The following SCN11A variants were observed in gnomAD, a reference collection of about 807,000 sequenced individuals.
SCN11A encodes the protein sodium channel protein type 11 subunit alpha.
In SCN11A, 122 loss-of-function variants were observed where a neutral mutation model predicts 162.2. The observed-to-expected ratio is 0.75, with a 90% CI of 0.65 to 0.87. The LOEUF (loss-of-function observed/expected upper bound fraction) is 0.87. Ranked by LOEUF, SCN11A falls within the 40% of genes least tolerant of loss-of-function variation. The pLI, the probability that SCN11A is intolerant of heterozygous loss-of-function variation, is 0.00. For missense variants in SCN11A, 2,015 were observed against 2,181.6 expected (o/e 0.92, Z 1.52); for synonymous variants, 758 against 751.5 (o/e 1.01, Z -0.14).
At chr3:38,931,955 A>T (rs4297988) in intron 7 of SCN11A, among the ~76,000 whole-genome samples, 135,686 of 152,254 alleles carry the variant, frequency 0.89, 60,543 homozygotes, top group South Asian at 0.92. Flanking sequence ...TGAAAGGAAA[A>T]GTACAGCTAC....
chr3:38,995,811 A>ATCTGTCTGTCTG (rs1168443401), intron 2 of SCN11A, among the ~76,000 whole-genome samples: 213 of 142,962 alleles, frequency 1.5e-3, no homozygotes, highest in African/African-American at 5.9e-3. Flanking sequence ...CTATCTATCT[A>ATCTGTCTGTCTG]TCTATCTGTC....
chr3:38,913,853 G>A (rs1194533956), intron 11 of SCN11A, among the ~76,000 whole-genome samples: 1 of 152,052 alleles, frequency 6.6e-6, no homozygotes, highest in East Asian at 1.9e-4. Context: ...TGATCTATAT[G>A]ACTGTTTTTG....
intron 3 of SCN11A, among the ~76,000 whole-genome samples, chr3:38,957,406 T>C (rs2066694879): frequency 6.6e-6 from 1 of 152,182 alleles, no homozygotes; most frequent in Admixed American, 6.5e-5. Context: ...AAACATCTTC[T>C]GATTCAAACT....
chr3:39,007,070 A>C (rs2031000040), intron 2 of SCN11A, among the ~76,000 whole-genome samples: 1 of 152,146 alleles, frequency 6.6e-6, no homozygotes, highest in African/African-American at 2.4e-5. Flanking sequence ...TTTTCCCAGA[A>C]TGGAAAAACA....
intron 1 of SCN11A, among the ~76,000 whole-genome samples, chr3:39,045,672 C>A (rs1272772577): frequency 7.9e-5 from 12 of 152,104 alleles, no homozygotes; most frequent in Non-Finnish European, 1.6e-4. Context: ...ATATGACAAA[C>A]CCACAGCTAG....
intron 5 of SCN11A, 33 bp from the exon 6 acceptor site, chr3:38,946,940 C>A: frequency 8.3e-7 from 1 of 1,204,742 alleles, no homozygotes; most frequent in Non-Finnish European, 1.2e-6. Context: ...CAAGAAAACA[C>A]ACACATACAC....
chr3:38,868,825 G>A (rs1042975869), intron 26 of SCN11A, among the ~76,000 whole-genome samples: 5 of 152,158 alleles, frequency 3.3e-5, no homozygotes, highest in Non-Finnish European at 5.9e-5. Context: ...AGGAAGGCAG[G>A]CTGACTTAAG....
At chr3:38,903,378 C>A (rs2065735010) in intron 16 of SCN11A, among the ~76,000 whole-genome samples, 2 of 152,132 alleles carry the variant, frequency 1.3e-5, no homozygotes, top group African/African-American at 4.8e-5. Flanking sequence ...AAATTCACCC[C>A]ACCCCAGCCT....
chr3:39,002,020 G>C (rs923760386), intron 2 of SCN11A, among the ~76,000 whole-genome samples: 35 of 151,762 alleles, frequency 2.3e-4, no homozygotes, highest in Non-Finnish European at 4.4e-5. Flanking sequence ...CTGGGCGACA[G>C]AGTGAGACTC....
chr3:38,969,057 A>G (rs1299396987), intron 2 of SCN11A, among the ~76,000 whole-genome samples: 3 of 152,100 alleles, frequency 2.0e-5, no homozygotes, highest in African/African-American at 7.2e-5. Context: ...TAGTAGCTGC[A>G]GTGGCTTGCT....
intron 2 of SCN11A, among the ~76,000 whole-genome samples, chr3:39,031,064 GTC>G (rs2031737745): frequency 6.6e-6 from 1 of 152,018 alleles, no homozygotes; most frequent in Admixed American, 6.6e-5. Flanking sequence ...TGGTTTATGT[GTC>G]TCTAATATTG....
intron 23 of SCN11A, among the ~76,000 whole-genome samples, chr3:38,874,002 T>C (rs1227213584): frequency 6.6e-6 from 1 of 152,172 alleles, no homozygotes; most frequent in African/African-American, 2.4e-5. Context: ...AACAGTACAC[T>C]GGACAGTATT....
intron 7 of SCN11A, among the ~76,000 whole-genome samples, chr3:38,944,431 A>G (rs2125571926): frequency 6.6e-6 from 1 of 150,920 alleles, no homozygotes; most frequent in East Asian, 2.0e-4. Context: ...GGTTCATGCC[A>G]TTCTCCTGCC....
At chr3:38,883,967 G>C (rs536205656) in intron 21 of SCN11A, among the ~76,000 whole-genome samples, 4 of 152,310 alleles carry the variant, frequency 2.6e-5, no homozygotes, top group Admixed American at 1.3e-4. Context: ...GAAAGAATTT[G>C]ATCAAATGTC....
At chr3:38,959,745 A>C (rs748340639) in intron 3 of SCN11A, among the ~76,000 whole-genome samples, 29 of 152,366 alleles carry the variant, frequency 1.9e-4, no homozygotes, top group Non-Finnish European at 3.5e-4. Flanking sequence ...AAAAAAAGAT[A>C]TCTCTTTCCC....
intron 11 of SCN11A, among the ~76,000 whole-genome samples, chr3:38,916,350 G>A (rs949797067): frequency 2.0e-5 from 3 of 152,034 alleles, no homozygotes; most frequent in African/African-American, 7.2e-5. Context: ...TCTCCTAAAC[G>A]TCTCTGGAAT....
At chr3:38,857,049 G>C (rs1305361673) in intron 28 of SCN11A, among the ~76,000 whole-genome samples, 1 of 152,102 alleles carries the variant, frequency 6.6e-6, no homozygotes, top group African/African-American at 2.4e-5. Flanking sequence ...GTCTACCCAA[G>C]TGAAAAGGAA....
At chr3:38,950,605 G>A in intron 4 of SCN11A, 1 of 512,568 alleles carries the variant, frequency 2.0e-6, no homozygotes, top group Non-Finnish European at 3.5e-6. Flanking sequence ...CATTCCTGGA[G>A]GACCTGGCAA....
At chr3:38,853,696 T>A (rs1472286064) in intron 28 of SCN11A, among the ~76,000 whole-genome samples, 4 of 152,192 alleles carry the variant, frequency 2.6e-5, no homozygotes, top group Middle Eastern at 3.2e-3. Context: ...TCATTTGCGA[T>A]CTCATGTTCA....
Sources: allele counts gnomAD v4.1 joint callset (sites outside exome capture counted in the v4.1 genomes callset), GRCh38; gene constraint gnomAD v4.1.1; transcripts MANE v1.5; gene names NCBI Gene and HGNC (gene_info 2026-07-23, HGNC 2026-07-21).